Variants in CDC25C observed in about 807,000 individuals in gnomAD.
CDC25C encodes the protein cell division cycle 25C.
CDC25C carries 48 observed loss-of-function variants against 52.5 expected under a neutral mutation model. The ratio of observed to expected loss-of-function variants is 0.91; its 90% CI spans 0.72 to 1.16. The LOEUF is 1.16. Ranked by LOEUF, CDC25C falls within the 50% of genes most tolerant of loss-of-function variation. The probability of loss-of-function intolerance (pLI) is 0.00; values close to 1 mark genes in which losing one functional copy is unlikely to be tolerated. For missense variants in CDC25C, 510 were observed against 566.1 expected (o/e 0.90, Z 1.01); for synonymous variants, 187 against 206.5 (o/e 0.91, Z 0.81).
At position 138,301,721 on chromosome 5, in the gene CDC25C, T is replaced by TC. The variant is rs70982705; in HGVS notation, c.616-9606dup. Among the ~76,000 whole-genome samples the TC allele has an allele frequency of 3.9e-3, 591 of 150,636 alleles. 2 individuals are homozygous for TC. The highest frequency in any genetic ancestry group is 0.014 in the African/African-American group (568 of 41,034). Reference sequence around the variant, plus strand: ...AAAAAAAAAATTTTTTTTTTTTTTTTCAGATGGAGTCTCGCTCTGTCACCC... The same window carrying TC: ...AAAAAAAAAATTTTTTTTTTTTTTTTCCAGATGGAGTCTCGCTCTGTCACCC... On this transcript the variant is annotated intron_variant, in intron 7 of 13. Coordinates refer to ENST00000323760, the MANE Select transcript of CDC25C (RefSeq NM_001790.5).
At chr5:138,292,235 C>A in intron 7 of CDC25C, 119 bp from the exon 8 acceptor site, 1 of 677,024 alleles carries the variant, frequency 1.5e-6, no homozygotes, top group South Asian at 2.6e-5. Flanking sequence ...TAGGCCACAC[C>A]CCAAACCTAC....
rs759583438 is a variant in CDC25C, at chr5:138,329,551, A to G, written c.289+2T>C. The G allele has an allele frequency of 7.6e-6, 12 of 1,581,068 alleles. No homozygotes were observed. The highest frequency in any genetic ancestry group is 1.0e-5 in the Non-Finnish European group (12 of 1,150,906). ...TGAGGCCTTTATCTCCCTTCTCCCT[A>G]CCAGTTTCATCAAGGTCTGCAGAAG... On this transcript the variant is annotated splice_donor_variant, in intron 3 of 13. Coordinates refer to ENST00000323760, the MANE Select transcript of CDC25C (RefSeq NM_001790.5). LOFTEE classifies it high-confidence loss of function.
chr5:138,287,044 G>C (rs998832528), intron 11 of CDC25C, 125 bp downstream of exon 11: 2 of 639,806 alleles, frequency 3.1e-6, no homozygotes, highest in Admixed American at 2.8e-5. Flanking sequence ...CCTCAGCCTT[G>C]AGGTGCTTCA....
intron 6 of CDC25C, among the ~76,000 whole-genome samples, chr5:138,323,490 G>A (rs570205133): frequency 6.6e-6 from 1 of 151,540 alleles, no homozygotes; most frequent in South Asian, 2.1e-4. Flanking sequence ...TGGGGGGTGG[G>A]GTAGAGATGT....
chr5:138,316,708 G>T (rs1276806163), intron 7 of CDC25C, among the ~76,000 whole-genome samples: 1 of 152,112 alleles, frequency 6.6e-6, no homozygotes, highest in East Asian at 1.9e-4. Flanking sequence ...AACCAAAGAG[G>T]AGAGAGGAGC....
chr5:138,305,564 G>C (rs1296908235), intron 7 of CDC25C, among the ~76,000 whole-genome samples: 2 of 152,114 alleles, frequency 1.3e-5, no homozygotes, highest in Admixed American at 6.6e-5. Context: ...ACCATGCCTG[G>C]CTAATTTTTA....
intron 13 of CDC25C, 74 bp from the exon 14 acceptor site, chr5:138,285,915 G>T: frequency 6.4e-7 from 1 of 1,559,998 alleles, no homozygotes; most frequent in Non-Finnish European, 8.8e-7. Flanking sequence ...TAGAGATGCT[G>T]CTGCTGGCAG....
At chr5:138,286,773 T>C in intron 11 of CDC25C, 143 bp from the exon 12 acceptor site, 1 of 663,778 alleles carries the variant, frequency 1.5e-6, no homozygotes, top group Non-Finnish European at 2.5e-6. Flanking sequence ...GGTCTAAGTA[T>C]ATCTCTGTAT....
In CDC25C at chr5:138,290,693, A is replaced by G; in HGVS notation, c.810T>C (p.Thr270=). The change falls in exon 9 of 14, where the codon ACT becomes ACC. Residue 270 remains threonine, a synonymous_variant. Coordinates refer to ENST00000323760, the MANE Select transcript of CDC25C (RefSeq NM_001790.5). ...GGTTAGAATCTTCCTCCAGCATCTGAGTGATAGTAATGTCACACAGAGAGA... is the reference window on the plus strand; with the variant it reads ...GGTTAGAATCTTCCTCCAGCATCTGGGTGATAGTAATGTCACACAGAGAGA... ...KTVSLCDITI[T]QMLEEDSNQG... 1 of 1,612,280 alleles carries G rather than the reference A, an allele frequency of 6.2e-7. No individual in the cohort carries two copies. The highest frequency in any genetic ancestry group is 8.5e-7 in the Non-Finnish European group (1 of 1,178,332).
At chr5:138,307,059 G>A (rs1758061548) in intron 7 of CDC25C, among the ~76,000 whole-genome samples, 1 of 151,100 alleles carries the variant, frequency 6.6e-6, no homozygotes, top group African/African-American at 2.4e-5. Flanking sequence ...GGCCAGGCTG[G>A]TCTCGAACTC....
exon 1 of CDC25C, chr5:138,338,303 C>G (rs568779655): frequency 2.8e-5 from 17 of 607,446 alleles, no homozygotes; most frequent in South Asian, 1.9e-4. Flanking sequence ...GCTGGAGGAA[C>G]CGCGGTAGGT....
chr5:138,291,552 G>A (rs909989814), intron 8 of CDC25C, among the ~76,000 whole-genome samples: 6 of 151,524 alleles, frequency 4.0e-5, no homozygotes, highest in East Asian at 3.9e-4. Flanking sequence ...CTGAGTAGCC[G>A]GGACTACAGG....
intron 6 of CDC25C, among the ~76,000 whole-genome samples, 180 bp from the exon 7 acceptor site, chr5:138,319,554 A>C (rs949728142): frequency 2.6e-4 from 39 of 152,222 alleles, no homozygotes; most frequent in African/African-American, 9.4e-4. Flanking sequence ...ATTGGTCTTC[A>C]TCAAAATGGA....
chr5:138,305,227 G>A (rs757125867), intron 7 of CDC25C, among the ~76,000 whole-genome samples: 4 of 152,216 alleles, frequency 2.6e-5, no homozygotes, highest in Middle Eastern at 3.4e-3. Context: ...CCATATCCTA[G>A]AACATTCTAG....
At position 138,286,052 on chromosome 5, in the gene CDC25C, G is replaced by A. The variant is rs199959516; in HGVS notation, c.1242C>T (p.Gly414=). The change falls in exon 13 of 14, where the codon GGC becomes GGT. Residue 414 remains glycine, a synonymous_variant. Coordinates refer to ENST00000323760, the MANE Select transcript of CDC25C (RefSeq NM_001790.5). ...LYYPELYILK[G]GYRDFFPEYM... Reference sequence around the variant, plus strand: ...ATTCTGGAAAGAAGTCTCTGTAGCCGCCTTTAAGGATATATAGCTCTGGGT... The same window carrying A: ...ATTCTGGAAAGAAGTCTCTGTAGCCACCTTTAAGGATATATAGCTCTGGGT... The A allele has an allele frequency of 4.1e-4, 657 of 1,613,492 alleles. 14 individuals are homozygous for A. The South Asian group carries it at 6.7e-3, about 16-fold the overall frequency.
intron 7 of CDC25C, among the ~76,000 whole-genome samples, chr5:138,310,165 C>T (rs1355060726): frequency 2.6e-5 from 4 of 152,212 alleles, no homozygotes; most frequent in Non-Finnish European, 5.9e-5. Context: ...CATACCTATT[C>T]TTCCTCAACC....
intron 7 of CDC25C, among the ~76,000 whole-genome samples, chr5:138,296,381 G>A (rs1286762768): frequency 1.3e-5 from 2 of 151,730 alleles, no homozygotes; most frequent in Non-Finnish European, 2.9e-5. Flanking sequence ...GATTACAGGC[G>A]TGCACCACCA....
Position 138,326,055 on chromosome 5 carries a change from C to T in CDC25C, c.336-1G>A, listed in dbSNP as rs1260144402. 2 of 1,614,166 alleles carry T rather than the reference C, an allele frequency of 1.2e-6. No homozygotes were observed. The highest frequency in any genetic ancestry group is 1.1e-5 in the South Asian group (1 of 91,090). On this transcript the variant is annotated splice_acceptor_variant, in intron 4 of 13. Coordinates refer to ENST00000323760, the MANE Select transcript of CDC25C (RefSeq NM_001790.5). LOFTEE classifies it high-confidence loss of function. ...TTTCATTAGGTGCTGGTCATGATTC[C>T]TGCAGATTAAAACAAACTGCCTGTC...
At chr5:138,321,211 G>A (rs964420117) in intron 6 of CDC25C, among the ~76,000 whole-genome samples, 1 of 152,134 alleles carries the variant, frequency 6.6e-6, no homozygotes, top group African/African-American at 2.4e-5. Flanking sequence ...CAGGGATGGG[G>A]AGTTATCACT....
Sources: gnomAD v4.1 joint callset for allele counts (sites outside exome capture counted in the v4.1 genomes callset) on GRCh38, gnomAD v4.1.1 for gene constraint, MANE v1.5 for transcripts, NCBI Gene and HGNC (gene_info 2026-07-23, HGNC 2026-07-21) for gene names.